The following TAFA1 variants were observed in gnomAD, a reference collection of about 807,000 sequenced individuals.
TAFA1 encodes TAFA chemokine like family member 1, also known as chemokine-like protein TAFA-1.
A neutral mutation model predicts 18.5 loss-of-function variants in TAFA1; 4 were observed. The observed-to-expected ratio is 0.22, with a 90% CI of 0.11 to 0.49. The LOEUF is 0.49. TAFA1 is among the 20% of genes least tolerant of loss of function. TAFA1 has a pLI of 0.98. For missense variants in TAFA1, 147 were observed against 169.0 expected (o/e 0.87, Z 0.72); for synonymous variants, 56 against 55.2 (o/e 1.01, Z -0.06).
chr3:68,156,315 G>T (rs951575273), intron 2 of TAFA1, among the ~76,000 whole-genome samples: 1 of 152,184 alleles, frequency 6.6e-6, no homozygotes, highest in African/African-American at 2.4e-5. Flanking sequence ...AAGGAATGAG[G>T]ATCCAAAAGC....
chr3:68,220,325 G>C (rs1324437052), intron 2 of TAFA1, among the ~76,000 whole-genome samples: 2 of 152,152 alleles, frequency 1.3e-5, no homozygotes, highest in Non-Finnish European at 2.9e-5. Context: ...ACTTAGATGA[G>C]AAAGTGATTA....
intron 2 of TAFA1, among the ~76,000 whole-genome samples, chr3:68,252,291 C>G (rs187612271): frequency 2.0e-5 from 3 of 152,280 alleles, no homozygotes; most frequent in African/African-American, 7.2e-5. Flanking sequence ...CCCAGGATTC[C>G]TGAACCCTCA....
chr3:68,210,053 G>A (rs188006375), intron 2 of TAFA1, among the ~76,000 whole-genome samples: 52 of 151,980 alleles, frequency 3.4e-4, no homozygotes, highest in African/African-American at 1.2e-3. Context: ...TAATGAGCTT[G>A]TGTTTGAGAG....
intron 2 of TAFA1, among the ~76,000 whole-genome samples, chr3:68,049,712 C>T (rs1391042803): frequency 6.6e-6 from 1 of 151,822 alleles, no homozygotes; most frequent in Non-Finnish European, 1.5e-5. Flanking sequence ...TCCCTCTGTC[C>T]CTCTCACTTG....
chr3:68,143,276 AG>A (rs1363474671), intron 2 of TAFA1, among the ~76,000 whole-genome samples: 1 of 152,200 alleles, frequency 6.6e-6, no homozygotes, highest in Non-Finnish European at 1.5e-5. Context: ...ACTGTCTAAT[AG>A]CTAAATAGGG....
intron 2 of TAFA1, among the ~76,000 whole-genome samples, chr3:68,286,755 A>G (rs1215179757): frequency 6.6e-6 from 1 of 152,232 alleles, no homozygotes; most frequent in African/African-American, 2.4e-5. Flanking sequence ...ACAAGGTTGT[A>G]GTAATAGAGA....
intron 2 of TAFA1, among the ~76,000 whole-genome samples, chr3:68,123,481 C>T (rs1248628212): frequency 1.3e-5 from 2 of 152,178 alleles, no homozygotes; most frequent in Non-Finnish European, 1.5e-5. Flanking sequence ...ATAGAACTTT[C>T]CCTACTATAT....
intron 2 of TAFA1, among the ~76,000 whole-genome samples, chr3:68,119,500 G>A (rs556266826): frequency 1.6e-4 from 25 of 151,872 alleles, no homozygotes; most frequent in African/African-American, 6.0e-4. Context: ...TTTCTTCTAA[G>A]CTTTTAAGTT....
At chr3:68,289,939 A>T (rs982879807) in intron 2 of TAFA1, among the ~76,000 whole-genome samples, 7 of 152,234 alleles carry the variant, frequency 4.6e-5, no homozygotes, top group Non-Finnish European at 8.8e-5. Context: ...TGTGTAATAA[A>T]TAAGCAAGTA....
intron 3 of TAFA1, among the ~76,000 whole-genome samples, chr3:68,474,431 G>T (rs532494097): frequency 2.0e-5 from 3 of 152,238 alleles, no homozygotes; most frequent in South Asian, 2.1e-4. Flanking sequence ...TGGTGAGTTG[G>T]CTCTACCATC....
intron 2 of TAFA1, among the ~76,000 whole-genome samples, chr3:68,288,008 T>C (rs966148555): frequency 6.6e-6 from 1 of 151,302 alleles, no homozygotes; most frequent in African/African-American, 2.4e-5. Context: ...CACAGGCCAC[T>C]GTCCAGGAGC....
intron 2 of TAFA1, among the ~76,000 whole-genome samples, chr3:68,075,606 C>A (rs1174697061): frequency 6.6e-6 from 1 of 151,970 alleles, no homozygotes; most frequent in Non-Finnish European, 1.5e-5. Context: ...TTAGAATTTC[C>A]CAAGTGTCTC....
chr3:68,264,164 G>A (rs2067493909), intron 2 of TAFA1, among the ~76,000 whole-genome samples: 1 of 152,058 alleles, frequency 6.6e-6, no homozygotes, highest in Non-Finnish European at 1.5e-5. Flanking sequence ...CAGCGATTCG[G>A]GAGGCTGAGG....
intron 3 of TAFA1, among the ~76,000 whole-genome samples, chr3:68,502,822 C>T (rs2072680814): frequency 6.6e-6 from 1 of 152,096 alleles, no homozygotes; most frequent in Admixed American, 6.6e-5. Context: ...CAAAACCAAG[C>T]ATTATTCTAA....
chr3:68,358,539 T>C (rs1039319864), intron 2 of TAFA1, among the ~76,000 whole-genome samples: 10 of 151,944 alleles, frequency 6.6e-5, no homozygotes, highest in African/African-American at 2.4e-4. Flanking sequence ...ATGGCTTCCC[T>C]TTTTAAATGG....
chr3:68,441,573 G>A (rs1377243058), intron 3 of TAFA1, among the ~76,000 whole-genome samples: 1 of 152,106 alleles, frequency 6.6e-6, no homozygotes, highest in African/African-American at 2.4e-5. Flanking sequence ...GCCATAAAGT[G>A]GGTTGTGCAC....
chr3:68,106,027 A>G (rs1286172075), intron 2 of TAFA1, among the ~76,000 whole-genome samples: 1 of 152,120 alleles, frequency 6.6e-6, no homozygotes, highest in Non-Finnish European at 1.5e-5. Context: ...ATTCCCAGGT[A>G]TGCTTGTTTA....
chr3:68,540,627 A>G (rs1431810810), intron 4 of TAFA1, among the ~76,000 whole-genome samples: 1 of 152,170 alleles, frequency 6.6e-6, no homozygotes, highest in African/African-American at 2.4e-5. Context: ...CTCTATTCTA[A>G]AGAACTGATT....
intron 2 of TAFA1, among the ~76,000 whole-genome samples, chr3:68,156,088 T>C (rs754671592): frequency 6.6e-6 from 1 of 152,076 alleles, no homozygotes; most frequent in Non-Finnish European, 1.5e-5. Flanking sequence ...CTGAGTTCTT[T>C]TGAAGAAACT....
Sources: allele counts gnomAD v4.1 joint callset (sites outside exome capture counted in the v4.1 genomes callset), GRCh38; gene constraint gnomAD v4.1.1; transcripts MANE v1.5; gene names NCBI Gene and HGNC (gene_info 2026-07-23, HGNC 2026-07-21).